ZCCHC14: variants seen among roughly 807,000 people sequenced by gnomAD.
ZCCHC14 encodes the protein zinc finger CCHC-type containing 14.
A neutral mutation model predicts 85.0 loss-of-function variants in ZCCHC14; 16 were observed. The observed-to-expected ratio is 0.19, with a 90% CI of 0.13 to 0.29. The LOEUF is 0.29. ZCCHC14 is among the 10% of genes least tolerant of loss of function. The pLI, the probability that ZCCHC14 is intolerant of heterozygous loss-of-function variation, is 1.00. For synonymous variants in ZCCHC14, 775 were observed against 630.7 expected (o/e 1.23, Z -3.43); for missense variants, 1,303 against 1,443.5 (o/e 0.90, Z 1.58).
At chr16:87,430,494 C>A (rs1030725915) in intron 3 of ZCCHC14, among the ~76,000 whole-genome samples, 6 of 151,470 alleles carry the variant, frequency 4.0e-5, no homozygotes, top group African/African-American at 1.5e-4. Flanking sequence ...TACTCAAGTT[C>A]TTTCCATATC....
At chr16:87,429,544 G>A (rs910172656) in intron 3 of ZCCHC14, among the ~76,000 whole-genome samples, 6 of 152,122 alleles carry the variant, frequency 3.9e-5, no homozygotes, top group Non-Finnish European at 7.3e-5. Flanking sequence ...CAACCTAGGC[G>A]GCCAGGACAG....
At position 87,430,647 on chromosome 16, in the gene ZCCHC14, G is replaced by A. The variant is rs1023979124; in HGVS notation, c.768+2481C>T. ...AGCGATTCCCCGGCCTCAGCCTCCCGAGTAGCTGGGACTACGGGTGCCCGC... is the reference window on the plus strand; with the variant it reads ...AGCGATTCCCCGGCCTCAGCCTCCCAAGTAGCTGGGACTACGGGTGCCCGC... On this transcript the variant is annotated intron_variant, in intron 3 of 12. Coordinates refer to ENST00000671377, the MANE Select transcript of ZCCHC14 (RefSeq NM_015144.3). Among the ~76,000 whole-genome samples, 50 of 151,518 alleles carry A rather than the reference G, an allele frequency of 3.3e-4. 1 individual carries two copies. The highest frequency in any genetic ancestry group is 1.1e-3 in the African/African-American group (46 of 41,314).
At chr16:87,464,190 C>G (rs1049868746) in intron 1 of ZCCHC14, among the ~76,000 whole-genome samples, 2 of 152,202 alleles carry the variant, frequency 1.3e-5, no homozygotes, top group African/African-American at 4.8e-5. Flanking sequence ...GAGAGGAGGG[C>G]TGAGCAGGGG....
chr16:87,450,158 T>A (rs960173254), intron 2 of ZCCHC14, among the ~76,000 whole-genome samples: 2 of 152,242 alleles, frequency 1.3e-5, no homozygotes, highest in Non-Finnish European at 2.9e-5. Context: ...TGTACCACGA[T>A]CACACCGTAG....
intron 3 of ZCCHC14, among the ~76,000 whole-genome samples, chr16:87,431,821 G>C (rs1909678588): frequency 6.6e-6 from 1 of 152,126 alleles, no homozygotes; most frequent in Non-Finnish European, 1.5e-5. Context: ...TGGGTTCCAG[G>C]GCACTCAGAG....
chr16:87,430,639 A>G (rs1171839710), intron 3 of ZCCHC14, among the ~76,000 whole-genome samples: 1 of 151,258 alleles, frequency 6.6e-6, no homozygotes, highest in Non-Finnish European at 1.5e-5. Context: ...CCCCGGCCTC[A>G]GCCTCCCGAG....
intron 2 of ZCCHC14, among the ~76,000 whole-genome samples, chr16:87,447,252 G>A (rs2150748835): frequency 6.6e-6 from 1 of 151,966 alleles, no homozygotes; most frequent in Admixed American, 6.5e-5. Context: ...CAGGCAGCCT[G>A]GACACCTGCC....
At chr16:87,441,089 C>T (rs1314696872) in intron 2 of ZCCHC14, among the ~76,000 whole-genome samples, 2 of 151,912 alleles carry the variant, frequency 1.3e-5, no homozygotes, top group African/African-American at 2.4e-5. Flanking sequence ...CTGCAAGCTC[C>T]GCCTCCCGGG....
At chr16:87,430,797 C>T (rs1461851436) in intron 3 of ZCCHC14, among the ~76,000 whole-genome samples, 1 of 148,592 alleles carries the variant, frequency 6.7e-6, no homozygotes, top group African/African-American at 2.5e-5. Flanking sequence ...GCTGGGATTA[C>T]AGGTGTGAGC....
intron 2 of ZCCHC14, among the ~76,000 whole-genome samples, chr16:87,458,602 A>G (rs1446849092): frequency 6.6e-6 from 1 of 152,170 alleles, no homozygotes; most frequent in Admixed American, 6.5e-5. Context: ...GATCTAAATC[A>G]GAGACAGGTG....
intron 2 of ZCCHC14, among the ~76,000 whole-genome samples, chr16:87,439,282 C>T (rs1910074514): frequency 6.6e-6 from 1 of 152,100 alleles, no homozygotes; most frequent in Non-Finnish European, 1.5e-5. Context: ...TACAGGCACG[C>T]ACCACCATGC....
chr16:87,481,718 G>T (rs1912289977), intron 1 of ZCCHC14, among the ~76,000 whole-genome samples: 1 of 152,110 alleles, frequency 6.6e-6, no homozygotes, highest in Admixed American at 6.5e-5. Context: ...GGATAAAAAA[G>T]GGCATCTCTA....
intron 1 of ZCCHC14, chr16:87,473,588 G>C (rs772318472): frequency 1.3e-5 from 2 of 152,174 alleles, no homozygotes; most frequent in Non-Finnish European, 2.9e-5. Flanking sequence ...TTAAATACTG[G>C]GGTTTTCTTA....
intron 1 of ZCCHC14, chr16:87,471,436 G>C (rs866582463): frequency 1.3e-5 from 2 of 152,220 alleles, no homozygotes; most frequent in Non-Finnish European, 2.9e-5. Context: ...TCATCAAAAA[G>C]AGAAAGAGAG....
chr16:87,459,405 C>T (rs1480073717), intron 2 of ZCCHC14, among the ~76,000 whole-genome samples: 1 of 151,568 alleles, frequency 6.6e-6, no homozygotes, highest in African/African-American at 2.4e-5. Flanking sequence ...AGGGCAGTGG[C>T]ACGATCTCGG....
intron 2 of ZCCHC14, among the ~76,000 whole-genome samples, chr16:87,456,169 C>T (rs533248949): frequency 2.0e-5 from 3 of 152,272 alleles, no homozygotes; most frequent in African/African-American, 4.8e-5. Context: ...CAAGGCTTCT[C>T]GATTTCGGCT....
chr16:87,432,832 G>A (rs758917423), intron 3 of ZCCHC14, among the ~76,000 whole-genome samples: 3 of 152,136 alleles, frequency 2.0e-5, no homozygotes, highest in Non-Finnish European at 4.4e-5. Context: ...GCGCTGCTCC[G>A]CAGGCTGCCT....
intron 8 of ZCCHC14, among the ~76,000 whole-genome samples, chr16:87,417,116 A>C (rs1220603224): frequency 6.6e-6 from 1 of 152,192 alleles, no homozygotes; most frequent in African/African-American, 2.4e-5. Flanking sequence ...TGTCTGCGCC[A>C]GCTACGCCGA....
Position 87,414,355 on chromosome 16 carries a change from C to T in ZCCHC14, c.1603+59G>A, listed in dbSNP as rs747529998. On this transcript the variant is annotated intron_variant, in intron 10 of 12. Coordinates refer to ENST00000671377, the MANE Select transcript of ZCCHC14 (RefSeq NM_015144.3). ...TCTGTGTATGAGTAACCCATCTGCCCGACACACGGGCCCTCTCTGTGTATG... is the reference window on the plus strand; with the variant it reads ...TCTGTGTATGAGTAACCCATCTGCCTGACACACGGGCCCTCTCTGTGTATG... 35 of 1,610,522 alleles carry T rather than the reference C, an allele frequency of 2.2e-5. 1 individual carries two copies. The South Asian group carries it at 3.4e-4, about 16-fold the overall frequency.
Sources: gnomAD v4.1 joint callset for allele counts (sites outside exome capture counted in the v4.1 genomes callset) on GRCh38, gnomAD v4.1.1 for gene constraint, MANE v1.5 for transcripts, NCBI Gene and HGNC (gene_info 2026-07-23, HGNC 2026-07-21) for gene names.